Variants in RPL18 observed in about 807,000 individuals in gnomAD.
RPL18 encodes the protein ribosomal protein L18.
RPL18 carries 4 observed loss-of-function variants against 25.0 expected under a neutral mutation model. The ratio of observed to expected loss-of-function variants is 0.16; its 90% CI spans 0.08 to 0.37. The LOEUF is 0.37. Ranked by LOEUF, RPL18 falls within the 10% of genes least tolerant of loss-of-function variation. RPL18 has a pLI of 1.00. For synonymous variants in RPL18, 129 were observed against 101.6 expected, an observed-to-expected ratio of 1.27 and a Z score of -1.62; for missense variants, 179 against 267.9, an observed-to-expected ratio of 0.67 and a Z score of 2.32.
At chr19:48,616,335 T>C in intron 4 of RPL18, 133 bp from the exon 5 acceptor site, 1 of 1,107,840 alleles carries the variant, frequency 9.0e-7, no homozygotes, top group Non-Finnish European at 1.3e-6. Flanking sequence ...CGGAGCACCC[T>C]GGGCTGACAG....
At chr19:48,617,264 A>G (rs1974202774) in intron 3 of RPL18, 52 bp downstream of exon 3, 2 of 1,405,402 alleles carry the variant, frequency 1.4e-6, no homozygotes, top group South Asian at 1.2e-5. Context: ...TTCCAGACAG[A>G]CAAGACCCAG....
intron 1 of RPL18, chr19:48,618,917 T>C (rs1457970810): frequency 7.0e-6 from 4 of 575,288 alleles, no homozygotes; most frequent in African/African-American, 5.7e-5. Flanking sequence ...AACCCAGTCA[T>C]ATCAGCCTCC....
chr19:48,619,017 G>A lies in RPL18; in HGVS notation c.3+124C>T, dbSNP rs116106704. The stretch of plus-strand genomic sequence containing the variant: ...TCCTGGCCCCCAGAGTAGGTCCCCA[G>A]TATCGGGAATTGCTCCCTCCGGGCA... On this transcript the variant is annotated intron_variant, in intron 1 of 6. Coordinates refer to ENST00000549920, the MANE Select transcript of RPL18 (RefSeq NM_000979.4). 1.9e-3 allele frequency: 1,885 copies of A among 997,532 alleles called. 29 individuals are homozygous for A. The African/African-American group carries it at 0.025, about 13-fold the overall frequency. 61.8% of individuals were successfully genotyped at this position (997,532 alleles called of 1,614,324 possible).
chr19:48,618,964 G>A lies in RPL18; in HGVS notation c.3+177C>T, dbSNP rs899755867. The A allele has an allele frequency of 2.7e-5, 17 of 629,224 alleles. 1 individual carries two copies. The Admixed American group carries it at 5.0e-4, about 18-fold the overall frequency. 39.0% of individuals were successfully genotyped at this position (629,224 alleles called of 1,614,324 possible). On this transcript the variant is annotated intron_variant, in intron 1 of 6. Transcript: ENST00000549920. ...CTTGGTCATCTACTAAGTGGGGGCG[G>A]TAGGCTATGACTGACCCATCCCTGC...
At chr19:48,617,985 C>T in intron 1 of RPL18, 108 bp from the exon 2 acceptor site, 1 of 784,410 alleles carries the variant, frequency 1.3e-6, no homozygotes, top group South Asian at 1.6e-5. Flanking sequence ...CTGAACACAC[C>T]AGCTCAAATC....
intron 6 of RPL18, 39 bp downstream of exon 6, chr19:48,615,838 A>G: frequency 1.3e-6 from 2 of 1,556,660 alleles, no homozygotes; most frequent in Non-Finnish European, 1.8e-6. Context: ...CTGCAGGCTG[A>G]GTCTGGGGAG....
chr19:48,618,098 C>CGTA, intron 1 of RPL18: 1 of 456,558 alleles, frequency 2.2e-6, no homozygotes, highest in Non-Finnish European at 4.0e-6. Context: ...CCTGAAACAT[C>CGTA]GTAACACAGC....
At position 48,617,430 on chromosome 19, in the gene RPL18, G is replaced by T; in HGVS notation, c.91-7C>A. 2 of 1,606,734 alleles carry T rather than the reference G, an allele frequency of 1.2e-6. No individual in the cohort carries two copies. Among genetic ancestry groups the T allele is most frequent in the Non-Finnish European group, 1.7e-6 (2 of 1,173,420 alleles). On this transcript the variant is annotated splice_region_variant and splice_polypyrimidine_tract_variant and intron_variant, in intron 2 of 6. Coordinates refer to ENST00000549920, the MANE Select transcript of RPL18 (RefSeq NM_000979.4). ...TGGCCAGAAACCTGTATAACTGGAG[G>T]GACGGGAAGACAGTGAGAAGCTGGG...
intron 3 of RPL18, 74 bp from the exon 4 acceptor site, chr19:48,616,898 C>T (rs985449677): frequency 7.3e-5 from 84 of 1,148,636 alleles, no homozygotes; most frequent in Non-Finnish European, 1.1e-4. Flanking sequence ...CATCCCCAGG[C>T]CAGGGCAGCT....
In RPL18 at chr19:48,615,460, G is replaced by A. The variant is rs371491905; in HGVS notation, c.492-13C>T. 1.9e-6 allele frequency: 3 copies of A among 1,602,516 alleles called. No homozygotes were observed. Among genetic ancestry groups the A allele is most frequent in the South Asian group, 2.2e-5 (2 of 90,134 alleles). On this transcript the variant is annotated splice_polypyrimidine_tract_variant and intron_variant, in intron 6 of 6. Transcript: ENST00000549920. Reference sequence around the variant, plus strand: ...GCGGACGTAGGGTCTGTGGGGAGAGGAGGGAGTGAGAGGGGGGCCCTCTTA... The same window carrying A: ...GCGGACGTAGGGTCTGTGGGGAGAGAAGGGAGTGAGAGGGGGGCCCTCTTA...
chr19:48,616,504 A>G (rs1974175075), intron 4 of RPL18: 1 of 699,806 alleles, frequency 1.4e-6, no homozygotes, highest in South Asian at 1.5e-5. Flanking sequence ...CAGCACTAAC[A>G]GTTTACAACT....
chr19:48,617,191 G>A (rs777824405), intron 3 of RPL18, 125 bp downstream of exon 3: 15 of 824,758 alleles, frequency 1.8e-5, no homozygotes, highest in Non-Finnish European at 2.6e-5. Context: ...CTCTACGCTC[G>A]CGACTGGCTG....
intron 1 of RPL18, chr19:48,618,802 A>G (rs140759580): frequency 3.3e-4 from 117 of 354,924 alleles, no homozygotes; most frequent in African/African-American, 2.4e-3. Context: ...TTCATACTAG[A>G]AAGTGACAGG....
rs765238385 is a variant in RPL18 at position 48,616,225 on chromosome 19, C to T, written c.298-23G>A. 1.8e-5 allele frequency: 29 copies of T among 1,611,728 alleles called. No individual in the cohort carries two copies. In the Middle Eastern group the frequency reaches 9.9e-4, roughly 55 times the overall value. On this transcript the variant is annotated intron_variant, in intron 4 of 6. Transcript: ENST00000549920. ...TACCTGGTGGAGAGGACAAGGCTGG[C>T]GGGTCAGACCCCTGCGTGGTCACCC...
At chr19:48,616,003 C>A (rs1362958274) in intron 5 of RPL18, 57 bp from the exon 6 acceptor site, 6 of 1,613,206 alleles carry the variant, frequency 3.7e-6, no homozygotes, top group Middle Eastern at 1.6e-4. Flanking sequence ...AGCTTCTGGC[C>A]TCCCAGATCC....
Position 48,617,794 on chromosome 19 carries a change from G to C in RPL18, c.87C>G (p.Val29=). Residue 29 remains valine, a synonymous_variant, in exon 2 of 7, where the codon GTC becomes GTG. Coordinates refer to ENST00000549920, the MANE Select transcript of RPL18 (RefSeq NM_000979.4). The part of the protein sequence containing the change: ...KSQDIYLRLL[V]KLYRFLARRT... ...AGACCTCAGGGCCCAGCCTCACCTT[G>C]ACCAACAGCCTCAGGTAGATATCCT... 1 of 1,613,514 alleles carries C rather than the reference G, an allele frequency of 6.2e-7. No homozygotes were observed. Among genetic ancestry groups the C allele is most frequent in the Non-Finnish European group, 8.5e-7 (1 of 1,179,464 alleles).
At chr19:48,616,563 A>C (rs1373791557) in intron 4 of RPL18, 163 bp downstream of exon 4, 4 of 723,216 alleles carry the variant, frequency 5.5e-6, no homozygotes, top group Non-Finnish European at 1.0e-5. Flanking sequence ...ACCATGCCAG[A>C]GACGACCCAC....
At chr19:48,615,659 G>A in intron 6 of RPL18, 2 of 643,984 alleles carry the variant, frequency 3.1e-6, no homozygotes, top group South Asian at 1.9e-5. Context: ...GCAAAGGCCG[G>A]TGAACTGCAT....
chr19:48,619,134 AG>A lies in RPL18; in HGVS notation c.3+6del. 1.3e-6 allele frequency: 2 copies of A among 1,510,654 alleles called. No individual in the cohort carries two copies. Among genetic ancestry groups the A allele is most frequent in the Non-Finnish European group, 1.8e-6 (2 of 1,118,896 alleles). The allele number at this position is 1,510,654 out of a possible 1,614,324, so 93.6% of individuals were successfully genotyped here. On this transcript the variant is annotated splice_donor_region_variant and intron_variant, in intron 1 of 6. Transcript: ENST00000549920. ...ATCCAGCCCCGAACGCCGCAAAGCGAGCTCACCATGATGGCGCCTCCTGCTC... is the reference window on the plus strand; with the variant it reads ...ATCCAGCCCCGAACGCCGCAAAGCGACTCACCATGATGGCGCCTCCTGCTC...
Sources: allele counts gnomAD v4.1 joint callset, GRCh38; gene constraint gnomAD v4.1.1; transcripts MANE v1.5; gene names NCBI Gene and HGNC (gene_info 2026-07-23, HGNC 2026-07-21).